ALDH1A2: variants seen among roughly 807,000 people sequenced by gnomAD.
ALDH1A2 encodes aldehyde dehydrogenase 1 family member A2, also known as retinal dehydrogenase 2.
ALDH1A2 carries 27 observed loss-of-function variants against 60.3 expected under a neutral mutation model. The observed-to-expected ratio is 0.45, with a 90% CI of 0.33 to 0.62. ALDH1A2 has a LOEUF of 0.62. Ranked by LOEUF, ALDH1A2 falls within the 20% of genes least tolerant of loss-of-function variation. The probability of loss-of-function intolerance (pLI) is 0.02; values close to 1 mark genes in which losing one functional copy is unlikely to be tolerated. For synonymous variants in ALDH1A2, 289 were observed against 232.4 expected (o/e 1.24, Z -2.21); for missense variants, 581 against 643.8 (o/e 0.90, Z 1.06).
intron 7 of ALDH1A2, among the ~76,000 whole-genome samples, chr15:57,982,443 TA>T (rs1352492230): frequency 6.6e-6 from 1 of 152,182 alleles, no homozygotes; most frequent in Non-Finnish European, 1.5e-5. Flanking sequence ...ACGCAAACTA[TA>T]GAGTTGTGAT....
intron 1 of ALDH1A2, among the ~76,000 whole-genome samples, chr15:58,032,580 A>T (rs1477758076): frequency 1.3e-5 from 2 of 152,074 alleles, no homozygotes; most frequent in African/African-American, 4.8e-5. Context: ...GCTGGTGGGA[A>T]TGTAAACTAA....
intron 1 of ALDH1A2, among the ~76,000 whole-genome samples, chr15:58,047,537 A>C (rs1177911699): frequency 2.6e-5 from 4 of 152,026 alleles, no homozygotes; most frequent in Non-Finnish European, 5.9e-5. Flanking sequence ...TTTACCTATA[A>C]AAAACTGTAT....
At chr15:58,032,561 T>C (rs1896268597) in intron 1 of ALDH1A2, among the ~76,000 whole-genome samples, 1 of 151,996 alleles carries the variant, frequency 6.6e-6, no homozygotes, top group Admixed American at 6.6e-5. Context: ...AAGGAAAGTC[T>C]TGTATATGGC....
intron 12 of ALDH1A2, among the ~76,000 whole-genome samples, chr15:57,958,214 G>GCACACACACACGCACGCACA (rs1555398332): frequency 3.3e-5 from 5 of 151,700 alleles, no homozygotes; most frequent in African/African-American, 1.2e-4. Flanking sequence ...GTACACGCAC[G>GCACACACACACGCACGCACA]CACACACACA....
intron 7 of ALDH1A2, among the ~76,000 whole-genome samples, chr15:57,982,102 C>G (rs572560698): frequency 6.6e-6 from 1 of 152,182 alleles, no homozygotes; most frequent in African/African-American, 2.4e-5. Flanking sequence ...ACCTGAACAC[C>G]CCTCACTAGT....
Position 58,065,593 on chromosome 15 carries a change from T to G in ALDH1A2, c.58A>C (p.Met20Leu). 6.2e-7 allele frequency: 1 copy of G among 1,612,682 alleles called. No homozygotes were observed. The highest frequency in any genetic ancestry group is 8.5e-7 in the Non-Finnish European group (1 of 1,179,300). Residue 20 changes from methionine to leucine, a missense_variant, in exon 1 of 13, where the codon ATG (methionine) becomes CTG (leucine). By Grantham distance (15) the Met-to-Leu change is conservative. Transcript: ENST00000249750. ...GEVKADPAAL[M>L]ASLHLLPSPT... is the part of the protein sequence containing the mutation. ...GACGGCAGGAGGTGCAGCGACGCCA[T>G]GAGGGCGGCGGGGTCGGCCTTCACC...
At position 58,035,442 on chromosome 15, in the gene ALDH1A2, C is replaced by T. The variant is rs140122074; in HGVS notation, c.118-21161G>A. On this transcript the variant is annotated intron_variant, in intron 1 of 12. Coordinates refer to ENST00000249750, the MANE Select transcript of ALDH1A2 (RefSeq NM_003888.4). ...TTATTGTTTTCATTTTCAATTTAAT[C>T]GATCTGTGCTATAATTTTTGTTATT... Among the ~76,000 whole-genome samples, 309 of 138,008 alleles carry T rather than the reference C, an allele frequency of 2.2e-3. 2 individuals are homozygous for T. Among genetic ancestry groups the T allele is most frequent in the African/African-American group, 7.3e-3 (291 of 39,624 alleles). 90.5% of individuals were successfully genotyped at this position (138,008 alleles called of 152,430 possible). A position where few individuals can be genotyped will look rare whatever the true frequency, so the allele number is the denominator to read the frequency against.
At chr15:58,056,032 G>C (rs1307147258) in intron 1 of ALDH1A2, among the ~76,000 whole-genome samples, 4 of 152,112 alleles carry the variant, frequency 2.6e-5, no homozygotes, top group African/African-American at 9.7e-5. Flanking sequence ...GTGTGTGAGA[G>C]ACACAGCGCG....
intron 7 of ALDH1A2, among the ~76,000 whole-genome samples, chr15:57,988,857 A>ATTTAACTTCCACTACCTGATATTG (rs1894799242): frequency 1.3e-5 from 2 of 148,462 alleles, no homozygotes; most frequent in Admixed American, 6.8e-5. Flanking sequence ...CATTTATTCA[A>ATTTAACTTCCACTACCTGATATTG]TTTAACTTCC....
intron 1 of ALDH1A2, among the ~76,000 whole-genome samples, chr15:58,033,888 T>G (rs1366915906): frequency 6.6e-6 from 1 of 151,252 alleles, no homozygotes; most frequent in African/African-American, 2.4e-5. Context: ...TTAATTACTG[T>G]AGCTTTACAG....
At chr15:58,037,872 T>G (rs1403849149) in intron 1 of ALDH1A2, among the ~76,000 whole-genome samples, 1 of 151,742 alleles carries the variant, frequency 6.6e-6, no homozygotes, top group Non-Finnish European at 1.5e-5. Context: ...AAAAGGACTT[T>G]GATATCAGTT....
intron 1 of ALDH1A2, among the ~76,000 whole-genome samples, chr15:58,018,450 A>T (rs1377113922): frequency 6.6e-6 from 1 of 152,188 alleles, no homozygotes; most frequent in Non-Finnish European, 1.5e-5. Context: ...GTAAAATACC[A>T]TAGTAATAAC....
intron 1 of ALDH1A2, among the ~76,000 whole-genome samples, chr15:58,062,203 T>C (rs771833220): frequency 3.3e-5 from 5 of 151,796 alleles, no homozygotes; most frequent in Admixed American, 6.6e-5. Context: ...CCCCATATAA[T>C]ATCAGATGCA....
intron 12 of ALDH1A2, among the ~76,000 whole-genome samples, chr15:57,959,898 A>C (rs1242425774): frequency 6.6e-6 from 1 of 151,938 alleles, no homozygotes; most frequent in Non-Finnish European, 1.5e-5. Context: ...TTCTCCCACA[A>C]ACACACACTA....
intron 4 of ALDH1A2, among the ~76,000 whole-genome samples, chr15:58,008,889 C>T (rs2140512022): frequency 6.6e-6 from 1 of 152,146 alleles, no homozygotes; most frequent in East Asian, 1.9e-4. Flanking sequence ...TCACTTAGGC[C>T]ATCCCCACAT....
chr15:58,063,516 C>T (rs1897094215), intron 1 of ALDH1A2, among the ~76,000 whole-genome samples: 1 of 152,030 alleles, frequency 6.6e-6, no homozygotes, highest in Non-Finnish European at 1.5e-5. Context: ...AATCATTACC[C>T]TGGGATACCA....
At chr15:58,047,856 GA>G (rs1421813556) in intron 1 of ALDH1A2, among the ~76,000 whole-genome samples, 1 of 151,856 alleles carries the variant, frequency 6.6e-6, no homozygotes, top group Non-Finnish European at 1.5e-5. Flanking sequence ...GCATTGTATA[GA>G]AAAAACACCT....
At chr15:58,040,511 A>G (rs1195890831) in intron 1 of ALDH1A2, among the ~76,000 whole-genome samples, 2 of 151,888 alleles carry the variant, frequency 1.3e-5, no homozygotes, top group East Asian at 1.9e-4. Context: ...TAGATAACAA[A>G]TCTACGATGT....
chr15:58,008,961 G>C (rs533963425), intron 4 of ALDH1A2, among the ~76,000 whole-genome samples: 2 of 152,172 alleles, frequency 1.3e-5, no homozygotes, highest in East Asian at 3.9e-4. Flanking sequence ...ACTGAACTAA[G>C]ATTCTGACTT....
Sources: allele counts gnomAD v4.1 joint callset (sites outside exome capture counted in the v4.1 genomes callset), GRCh38; gene constraint gnomAD v4.1.1; transcripts MANE v1.5; gene names NCBI Gene and HGNC (gene_info 2026-07-23, HGNC 2026-07-21).